Variants in KDM4A observed in about 807,000 individuals in gnomAD.
KDM4A encodes the protein lysine demethylase 4A, also known as lysine-specific demethylase 4A.
In KDM4A, 23 loss-of-function variants were observed where a neutral mutation model predicts 127.1. The ratio of observed to expected loss-of-function variants is 0.18; its 90% CI spans 0.13 to 0.26. The LOEUF (loss-of-function observed/expected upper bound fraction) is 0.26. Ranked by LOEUF, KDM4A falls within the 10% of genes least tolerant of loss-of-function variation. KDM4A has a pLI of 1.00. For missense variants in KDM4A, 890 were observed against 1,329.1 expected, an observed-to-expected ratio of 0.67 and a Z score of 5.14; for synonymous variants, 443 against 466.5, an observed-to-expected ratio of 0.95 and a Z score of 0.65.
Position 43,669,178 on chromosome 1 carries a change from C to G in KDM4A, c.1242C>G (p.Leu414=), listed in dbSNP as rs755084579. ...CACAGGAGGTGAGTCAGAGTGAGCT[C>G]TTCCCCAAGGAGGATCTGAGTTCTG... The part of the protein sequence containing the change: ...EIPQEVSQSE[L]FPKEDLSSEQ... The change falls in exon 10 of 22, where the codon CTC becomes CTG. Residue 414 remains leucine, a synonymous_variant. Coordinates refer to ENST00000372396, the MANE Select transcript of KDM4A (RefSeq NM_014663.3). The G allele has an allele frequency of 1.2e-6, 2 of 1,614,232 alleles. No homozygotes were observed. The highest frequency in any genetic ancestry group is 2.2e-5 in the South Asian group (2 of 91,084).
At chr1:43,677,890 A>C (rs1660777947) in intron 11 of KDM4A, among the ~76,000 whole-genome samples, 1 of 152,200 alleles carries the variant, frequency 6.6e-6, no homozygotes, top group South Asian at 2.1e-4. Flanking sequence ...GAAACAGGGA[A>C]ACCAATTAGG....
intron 18 of KDM4A, 127 bp from the exon 19 acceptor site, chr1:43,697,716 C>A: frequency 1.1e-6 from 1 of 904,892 alleles, no homozygotes; most frequent in South Asian, 1.7e-5. Flanking sequence ...CATCTCTTCT[C>A]TCCTTTTTAC....
chr1:43,662,381 G>A (rs140752959), intron 4 of KDM4A, among the ~76,000 whole-genome samples: 4,051 of 152,160 alleles, frequency 0.027, 187 homozygotes, highest in African/African-American at 0.093. Flanking sequence ...AGGCCAAGGC[G>A]GGTGGATCAC....
At chr1:43,698,670 T>C (rs934824717) in intron 19 of KDM4A, among the ~76,000 whole-genome samples, 5 of 152,244 alleles carry the variant, frequency 3.3e-5, no homozygotes, top group African/African-American at 1.2e-4. Context: ...AATCAGGTAT[T>C]GTCCCATGTT....
At chr1:43,689,264 C>T (rs1661054096) in intron 13 of KDM4A, among the ~76,000 whole-genome samples, 169 bp downstream of exon 13, 1 of 152,234 alleles carries the variant, frequency 6.6e-6, no homozygotes, top group African/African-American at 2.4e-5. Context: ...GCAGATAACC[C>T]AGCAACGTGG....
In KDM4A at chr1:43,656,919, G is replaced by A. The variant is rs146350118; in HGVS notation, c.314+1153G>A. On this transcript the variant is annotated intron_variant, in intron 3 of 21. Transcript: ENST00000372396. ...TAATTTTTGTATTTTTAGTAGAGAC[G>A]GGGTTTCACCGTCTCTACTGTCACC... Among the ~76,000 whole-genome samples, 1,414 of 151,154 alleles carry A rather than the reference G, an allele frequency of 9.4e-3. 22 individuals carry two copies. Among genetic ancestry groups the A allele is most frequent in the African/African-American group, 0.033 (1,348 of 41,136 alleles).
At chr1:43,668,419 C>T (rs1239744681) in intron 9 of KDM4A, among the ~76,000 whole-genome samples, 1 of 152,148 alleles carries the variant, frequency 6.6e-6, no homozygotes, top group East Asian at 1.9e-4. Flanking sequence ...GCCACCGCGC[C>T]CGGCCGAGGC....
chr1:43,695,614 T>C (rs984980744), intron 18 of KDM4A, among the ~76,000 whole-genome samples: 5 of 152,208 alleles, frequency 3.3e-5, no homozygotes, highest in South Asian at 4.1e-4. Context: ...GATGAGAACT[T>C]GTTGAATATT....
intron 9 of KDM4A, 70 bp from the exon 10 acceptor site, chr1:43,669,030 T>G: frequency 6.7e-7 from 1 of 1,499,942 alleles, no homozygotes; most frequent in Non-Finnish European, 9.3e-7. Context: ...TGTGTGTGGA[T>G]GTGTATGAAT....
intron 14 of KDM4A, 40 bp downstream of exon 14, chr1:43,691,089 G>A: frequency 6.3e-7 from 1 of 1,597,394 alleles, no homozygotes; most frequent in Non-Finnish European, 8.6e-7. Flanking sequence ...TGTCCCAGGA[G>A]TATGGGCCTG....
chr1:43,659,704 T>C (rs1406021424), intron 3 of KDM4A, among the ~76,000 whole-genome samples: 1 of 152,254 alleles, frequency 6.6e-6, no homozygotes, highest in Non-Finnish European at 1.5e-5. Context: ...AATTGGAATA[T>C]TGGATGTGCA....
chr1:43,663,107 G>C lies in KDM4A; in HGVS notation c.623+20G>C, dbSNP rs541842772. ...GTCCTGGTACAGTCTGCCTGCAGTC[G>C]GCACCGGGCTTCTATGCTAGAGCAC... On this transcript the variant is annotated intron_variant, in intron 5 of 21. Transcript: ENST00000372396. 3.7e-6 allele frequency: 6 copies of C among 1,601,178 alleles called. No homozygotes were observed. The highest frequency in any genetic ancestry group is 1.7e-4 in the Middle Eastern group (1 of 5,932).
chr1:43,673,052 G>T (rs771446546), intron 11 of KDM4A, among the ~76,000 whole-genome samples: 20 of 152,044 alleles, frequency 1.3e-4, no homozygotes, highest in Admixed American at 5.2e-4. Context: ...GTGTGTTCAG[G>T]CTTCCTCCTT....
chr1:43,704,777 G>A lies in KDM4A; in HGVS notation c.*407G>A, dbSNP rs913538352. ...CCTACTTTTGTATTTATATGTGTGT[G>A]TGTGTGTGCGTGCGTGCGTGCGTGC... On this transcript the variant is annotated 3_prime_UTR_variant, in exon 22 of 22. Transcript: ENST00000372396. The A allele has an allele frequency of 1.9e-5, 4 of 213,036 alleles. No individual in the cohort carries two copies. The highest frequency in any genetic ancestry group is 3.8e-5 in the Non-Finnish European group (4 of 106,198). 13.2% of individuals were successfully genotyped at this position (213,036 alleles called of 1,614,324 possible).
intron 12 of KDM4A, among the ~76,000 whole-genome samples, chr1:43,684,651 G>C (rs894908324): frequency 3.3e-5 from 5 of 152,226 alleles, no homozygotes; most frequent in Non-Finnish European, 7.3e-5. Flanking sequence ...TGGAGTAGGA[G>C]GAGGGGGACC....
chr1:43,683,849 A>G (rs903405520), intron 12 of KDM4A, 45 bp downstream of exon 12: 1 of 1,608,574 alleles, frequency 6.2e-7, no homozygotes, highest in Non-Finnish European at 8.5e-7. Context: ...AGCTCACCAC[A>G]TTAGACTTGA....
In KDM4A at chr1:43,667,089, C is replaced by T. The variant is rs1168492114; in HGVS notation, c.913C>T (p.Leu305=). ...GATTGAGTACGGCAAGCAAGCTGTG[C>T]TGGTAAGTCTGCTTGATTTCTTTCT... The part of the protein sequence containing the change: ...RWIEYGKQAV[L]CSCRKDMVKI... The change falls in exon 8 of 22, where the codon CTG becomes TTG. Residue 305 remains leucine, a splice_region_variant and synonymous_variant. Transcript: ENST00000372396. 6.2e-7 allele frequency: 1 copy of T among 1,614,070 alleles called. No homozygotes were observed. Among genetic ancestry groups the T allele is most frequent in the Admixed American group, 1.7e-5 (1 of 59,986 alleles).
chr1:43,672,991 A>G (rs950750538), intron 11 of KDM4A, among the ~76,000 whole-genome samples: 3 of 152,156 alleles, frequency 2.0e-5, no homozygotes, highest in African/African-American at 7.2e-5. Flanking sequence ...ACATTGATAG[A>G]GCATCCTTTT....
intron 18 of KDM4A, among the ~76,000 whole-genome samples, chr1:43,696,283 C>T (rs1010798280): frequency 6.6e-6 from 1 of 152,126 alleles, no homozygotes; most frequent in Non-Finnish European, 1.5e-5. Flanking sequence ...GTAGTCAGGT[C>T]AGAAGCCAGA....
Sources: allele counts gnomAD v4.1 joint callset (sites outside exome capture counted in the v4.1 genomes callset), GRCh38; gene constraint gnomAD v4.1.1; transcripts MANE v1.5; gene names NCBI Gene and HGNC (gene_info 2026-07-23, HGNC 2026-07-21).